The following TCERG1L variants were observed in gnomAD, a reference collection of about 807,000 sequenced individuals.
TCERG1L encodes transcription elongation regulator 1 like.
TCERG1L carries 37 observed loss-of-function variants against 56.3 expected under a neutral mutation model. The observed-to-expected ratio is 0.66, with a 90% confidence interval of 0.51 to 0.87. The LOEUF (loss-of-function observed/expected upper bound fraction) is 0.87, where lower values mean the gene tolerates loss of function less well. Among genes scored for constraint, TCERG1L ranks in the 40% least tolerant of loss-of-function variants. The probability of loss-of-function intolerance (pLI) is 0.00; values close to 1 mark genes in which losing one functional copy is unlikely to be tolerated. For missense variants in TCERG1L, 799 were observed against 774.2 expected, an observed-to-expected ratio of 1.03 and a Z score of -0.38; for synonymous variants, 324 against 326.3, an observed-to-expected ratio of 0.99 and a Z score of 0.08.
chr10:131,213,872 G>A (rs1845642049), intron 4 of TCERG1L, among the ~76,000 whole-genome samples: 1 of 152,148 alleles, frequency 6.6e-6, no homozygotes, highest in Non-Finnish European at 1.5e-5. Context: ...CCCTAGCCAC[G>A]GCCCAGCAGG....
At chr10:131,144,224 T>C (rs1194658466) in intron 7 of TCERG1L, among the ~76,000 whole-genome samples, 1 of 152,208 alleles carries the variant, frequency 6.6e-6, no homozygotes, top group Non-Finnish European at 1.5e-5. Flanking sequence ...AGACTACAAA[T>C]AGGTATGAAT....
chr10:131,275,030 C>T (rs2133556870), intron 3 of TCERG1L, among the ~76,000 whole-genome samples: 1 of 152,284 alleles, frequency 6.6e-6, no homozygotes, highest in Non-Finnish European at 1.5e-5. Flanking sequence ...GGGCCACTGA[C>T]TCCTGATCCA....
intron 8 of TCERG1L, 98 bp downstream of exon 8, chr10:131,134,281 T>C: frequency 1.8e-6 from 2 of 1,113,354 alleles, no homozygotes; most frequent in Non-Finnish European, 2.6e-6. Context: ...ATTAGCTCTT[T>C]GCTCATAGTC....
At chr10:131,282,338 G>A (rs974226817) in intron 3 of TCERG1L, among the ~76,000 whole-genome samples, 15 of 151,964 alleles carry the variant, frequency 9.9e-5, no homozygotes, top group Non-Finnish European at 1.8e-4. Context: ...ATGGTGACAT[G>A]AATGGTGTTT....
At chr10:131,264,370 C>G (rs1846265132) in intron 3 of TCERG1L, among the ~76,000 whole-genome samples, 1 of 152,216 alleles carries the variant, frequency 6.6e-6, no homozygotes. Context: ...CACCCACCCA[C>G]AGGAAGGAAA....
chr10:131,108,154 G>A (rs1845373421), intron 9 of TCERG1L, among the ~76,000 whole-genome samples: 1 of 152,176 alleles, frequency 6.6e-6, no homozygotes, highest in Admixed American at 6.5e-5. Context: ...CCTGTTTCTG[G>A]CTGGTACCTG....
At chr10:131,213,527 T>C (rs1845638297) in intron 4 of TCERG1L, among the ~76,000 whole-genome samples, 1 of 152,206 alleles carries the variant, frequency 6.6e-6, no homozygotes, top group South Asian at 2.1e-4. Flanking sequence ...TCCGTTCAGA[T>C]TCCAGCTCAG....
At chr10:131,136,745 C>G (rs1220560462) in intron 7 of TCERG1L, among the ~76,000 whole-genome samples, 2 of 151,774 alleles carry the variant, frequency 1.3e-5, no homozygotes, top group East Asian at 4.0e-4. Flanking sequence ...ATTCGCCCCC[C>G]TCAGCCTTCC....
At chr10:131,154,752 G>C (rs1194829756) in intron 6 of TCERG1L, among the ~76,000 whole-genome samples, 1 of 152,172 alleles carries the variant, frequency 6.6e-6, no homozygotes, top group African/African-American at 2.4e-5. Context: ...AGCCGTGTCT[G>C]GCCATGGTTG....
intron 4 of TCERG1L, among the ~76,000 whole-genome samples, chr10:131,179,261 C>G (rs1041878014): frequency 6.6e-6 from 1 of 152,234 alleles, no homozygotes; most frequent in African/African-American, 2.4e-5. Flanking sequence ...TGTGTGTTTC[C>G]CAGGTCACAG....
chr10:131,160,427 C>G, intron 6 of TCERG1L, among the ~76,000 whole-genome samples: 2 of 151,830 alleles, frequency 1.3e-5, no homozygotes, highest in Non-Finnish European at 2.9e-5. Context: ...CTCCCTCTGA[C>G]CACCTGAAGC....
intron 10 of TCERG1L, 102 bp from the exon 11 acceptor site, chr10:131,098,526 A>G: frequency 7.1e-7 from 1 of 1,409,914 alleles, no homozygotes; most frequent in South Asian, 1.4e-5. Context: ...AATCTATGGC[A>G]AAAGCTGTTC....
chr10:131,252,147 T>C (rs1234318727), intron 4 of TCERG1L, among the ~76,000 whole-genome samples: 3 of 152,214 alleles, frequency 2.0e-5, no homozygotes, highest in African/African-American at 4.8e-5. Flanking sequence ...ATTTTCTTTA[T>C]CTATGCACCC....
chr10:131,142,960 G>A (rs912098345), intron 7 of TCERG1L, among the ~76,000 whole-genome samples: 42 of 152,228 alleles, frequency 2.8e-4, no homozygotes, highest in African/African-American at 8.4e-4. Flanking sequence ...GAGTGGGAGC[G>A]GGAGGCAGAA....
rs527418532 is a variant in TCERG1L, at chr10:131,199,530, C to T, written c.857-32645G>A. ...AACAAGGGTACCCTTCCCTCAGTTT[C>T]CAATACCTTGTTGCTGAGAAAGAAA... On this transcript the variant is annotated intron_variant, in intron 4 of 11. Coordinates refer to ENST00000368642, the MANE Select transcript of TCERG1L (RefSeq NM_174937.4). 1.8e-3 allele frequency among the ~76,000 whole-genome samples: 268 copies of T among 151,890 alleles called. 1 individual carries two copies. Among genetic ancestry groups the T allele is most frequent in the Admixed American group, 3.4e-3 (52 of 15,214 alleles).
intron 4 of TCERG1L, among the ~76,000 whole-genome samples, chr10:131,252,380 G>A (rs1181972034): frequency 6.6e-6 from 1 of 152,128 alleles, no homozygotes; most frequent in Non-Finnish European, 1.5e-5. Flanking sequence ...CTGCCACATG[G>A]TCTCTAGAGT....
chr10:131,271,323 C>T (rs556333943), intron 3 of TCERG1L, among the ~76,000 whole-genome samples: 21 of 152,336 alleles, frequency 1.4e-4, no homozygotes, highest in African/African-American at 4.8e-4. Flanking sequence ...CACACCCACA[C>T]GCAGCTGGGC....
chr10:131,108,591 C>T (rs1845377735), intron 9 of TCERG1L, among the ~76,000 whole-genome samples: 1 of 152,198 alleles, frequency 6.6e-6, no homozygotes, highest in Admixed American at 6.5e-5. Context: ...CAGTGAATCT[C>T]CTTCACATCT....
intron 5 of TCERG1L, among the ~76,000 whole-genome samples, 192 bp downstream of exon 5, chr10:131,166,605 A>G (rs957118097): frequency 3.3e-5 from 5 of 152,226 alleles, no homozygotes; most frequent in Non-Finnish European, 7.3e-5. Flanking sequence ...ATCTGGCAGG[A>G]CCAGCAAGGG....
Sources: allele counts gnomAD v4.1 joint callset (sites outside exome capture counted in the v4.1 genomes callset), GRCh38; gene constraint gnomAD v4.1.1; transcripts MANE v1.5; gene names NCBI Gene and HGNC (gene_info 2026-07-23, HGNC 2026-07-21).